The following WWC1 variants were observed in gnomAD, a reference collection of about 807,000 sequenced individuals.
WWC1 encodes WW and C2 domain containing 1.
Under a neutral mutation model 138.4 loss-of-function variants are expected in WWC1, and 55 were observed. That is an observed-to-expected ratio of 0.40 (90% CI 0.32 to 0.50). The LOEUF (loss-of-function observed/expected upper bound fraction) is 0.50, where lower values mean the gene tolerates loss of function less well. WWC1 is among the 20% of genes least tolerant of loss of function. The probability of loss-of-function intolerance (pLI) is 0.72; values close to 1 mark genes in which losing one functional copy is unlikely to be tolerated. For synonymous variants in WWC1, 524 were observed against 564.9 expected, an observed-to-expected ratio of 0.93 and a Z score of 1.03; for missense variants, 1,226 against 1,420.4, an observed-to-expected ratio of 0.86 and a Z score of 2.20.
At chr5:168,344,228 C>T (rs1430499133) in intron 1 of WWC1, among the ~76,000 whole-genome samples, 1 of 152,176 alleles carries the variant, frequency 6.6e-6, no homozygotes, top group Non-Finnish European at 1.5e-5. Flanking sequence ...GGCAGCCTTG[C>T]AGATAGCTTC....
At chr5:168,302,896 C>T (rs1273546146) in intron 1 of WWC1, among the ~76,000 whole-genome samples, 1 of 152,174 alleles carries the variant, frequency 6.6e-6, no homozygotes, top group Non-Finnish European at 1.5e-5. Context: ...CAGTGTTTGT[C>T]AAACTTGAGG....
At chr5:168,421,876 C>G (rs1371211553) in intron 9 of WWC1, 132 bp from the exon 10 acceptor site, 4 of 657,094 alleles carry the variant, frequency 6.1e-6, no homozygotes, top group South Asian at 3.3e-5. Context: ...TGTGGAAGCT[C>G]TAGCTCCCCA....
intron 5 of WWC1, among the ~76,000 whole-genome samples, chr5:168,400,637 G>A (rs2152832120): frequency 6.6e-6 from 1 of 152,292 alleles, no homozygotes; most frequent in Middle Eastern, 3.4e-3. Context: ...GAGTCACTTA[G>A]CAGGTACTCA....
intron 17 of WWC1, among the ~76,000 whole-genome samples, chr5:168,446,659 G>A (rs1439848346): frequency 6.6e-6 from 1 of 152,170 alleles, no homozygotes; most frequent in Non-Finnish European, 1.5e-5. Flanking sequence ...TGTCACTGTT[G>A]GGCAAGTCGC....
At chr5:168,360,709 C>T (rs1333576547) in intron 1 of WWC1, among the ~76,000 whole-genome samples, 3 of 152,256 alleles carry the variant, frequency 2.0e-5, no homozygotes, top group Non-Finnish European at 2.9e-5. Flanking sequence ...CATCATTCTT[C>T]TTCCAGTGCT....
intron 3 of WWC1, among the ~76,000 whole-genome samples, chr5:168,394,619 G>A (rs1278246950): frequency 5.3e-5 from 8 of 152,270 alleles, no homozygotes; most frequent in African/African-American, 1.4e-4. Context: ...CCAGCTACTC[G>A]GGAGGCTGAG....
chr5:168,294,421 A>G (rs1410612112), intron 1 of WWC1, among the ~76,000 whole-genome samples: 1 of 147,694 alleles, frequency 6.8e-6, no homozygotes. Flanking sequence ...TAGGCAAACA[A>G]AAAAAACAAA....
intron 1 of WWC1, among the ~76,000 whole-genome samples, chr5:168,342,264 G>A (rs1774095223): frequency 6.6e-6 from 1 of 152,148 alleles, no homozygotes; most frequent in South Asian, 2.1e-4. Flanking sequence ...TAAAGATCAG[G>A]GTAATAGGTT....
At chr5:168,337,157 C>T (rs780848264) in intron 1 of WWC1, among the ~76,000 whole-genome samples, 19 of 152,160 alleles carry the variant, frequency 1.2e-4, no homozygotes, top group African/African-American at 4.3e-4. Context: ...CTGGCAGAAT[C>T]GTTGGGGTCC....
At chr5:168,468,769 G>C (rs1470422340) in intron 22 of WWC1, among the ~76,000 whole-genome samples, 182 bp from the exon 23 acceptor site, 2 of 152,148 alleles carry the variant, frequency 1.3e-5, no homozygotes, top group Admixed American at 1.3e-4. Context: ...CTTACGTTTT[G>C]GGTTGTCATA....
intron 17 of WWC1, among the ~76,000 whole-genome samples, chr5:168,445,921 CA>C (rs1034291078): frequency 2.6e-5 from 4 of 152,070 alleles, no homozygotes; most frequent in Non-Finnish European, 4.4e-5. Flanking sequence ...CAAAAGAGAG[CA>C]TGCCTGTGTA....
chr5:168,431,307 A>G lies in WWC1; in HGVS notation c.2143A>G (p.Thr715Ala), dbSNP rs761025171. The G allele has an allele frequency of 6.2e-7, 1 of 1,614,110 alleles. No individual in the cohort carries two copies. The highest frequency in any genetic ancestry group is 8.5e-7 in the Non-Finnish European group (1 of 1,180,020). Residue 715 changes from threonine (T) to alanine (A), a missense_variant, in exon 15 of 23, where the codon ACC becomes GCC. By Grantham distance (58) the Thr-to-Ala change is moderately conservative. Around this residue, in one of 3 missense-constraint regions of WWC1, gnomAD observed 1,016 missense variants for 1,153.9 expected, o/e 0.88. Coordinates refer to ENST00000265293, the MANE Select transcript of WWC1 (RefSeq NM_015238.3). Reference protein sequence around the residue: ...CSESTTCLFRTRPLDASDTLV... With the variant: ...CSESTTCLFRARPLDASDTLV... ...TGAAAGCACAACCTGCCTGTTCCGG[A>G]CCCGGCCTCTGGACGCCTCAGACAC...
intron 1 of WWC1, among the ~76,000 whole-genome samples, chr5:168,341,011 C>G (rs1014790649): frequency 6.6e-6 from 1 of 152,200 alleles, no homozygotes; most frequent in South Asian, 2.1e-4. Flanking sequence ...CTCTCCTGAA[C>G]GCTTCCTTAT....
intron 1 of WWC1, among the ~76,000 whole-genome samples, chr5:168,314,152 A>G (rs1299241215): frequency 1.3e-5 from 2 of 152,242 alleles, no homozygotes; most frequent in Non-Finnish European, 2.9e-5. Flanking sequence ...GCACAGAGGC[A>G]GGATTTCAGT....
intron 1 of WWC1, among the ~76,000 whole-genome samples, chr5:168,332,032 G>A (rs1172361619): frequency 1.3e-5 from 2 of 152,004 alleles, no homozygotes; most frequent in East Asian, 1.9e-4. Context: ...TATAATCCCA[G>A]TTACTTAGGA....
chr5:168,443,193 G>A (rs2152873217), intron 16 of WWC1, among the ~76,000 whole-genome samples: 1 of 152,306 alleles, frequency 6.6e-6, no homozygotes, highest in African/African-American at 2.4e-5. Context: ...GACAGCCACT[G>A]CCTAGAATTT....
chr5:168,397,915 C>T (rs10056086), intron 4 of WWC1, 115 bp downstream of exon 4: 61,316 of 1,070,764 alleles, frequency 0.057, 2,563 homozygotes, highest in African/African-American at 0.19. Context: ...ACAGCCAGTG[C>T]TAGCAAGGTC....
At chr5:168,333,925 T>C (rs941525429) in intron 1 of WWC1, among the ~76,000 whole-genome samples, 1 of 151,742 alleles carries the variant, frequency 6.6e-6, no homozygotes, top group Non-Finnish European at 1.5e-5. Flanking sequence ...TAAAGTCTAC[T>C]CTCCCTGGCC....
At chr5:168,462,220 A>G (rs575184745) in intron 20 of WWC1, among the ~76,000 whole-genome samples, 57 of 137,812 alleles carry the variant, frequency 4.1e-4, no homozygotes, top group Non-Finnish European at 7.6e-4. Flanking sequence ...ACACCTTAAC[A>G]AGTCTGAGGG....
Sources: gnomAD v4.1 joint callset for allele counts (sites outside exome capture counted in the v4.1 genomes callset) on GRCh38, gnomAD v4.1.1 for gene constraint, gnomAD v4.1.1 regional missense constraint, MANE v1.5 for transcripts, NCBI Gene and HGNC (gene_info 2026-07-23, HGNC 2026-07-21) for gene names.